Variants in MYO15B observed in about 807,000 individuals in gnomAD.
MYO15B encodes myosin XVB.
MYO15B carries 207 observed loss-of-function variants against 119.3 expected under a neutral mutation model. That is an observed-to-expected ratio of 1.73 (90% CI 1.55 to 1.95). The LOEUF is 1.95. Ranked by LOEUF, MYO15B falls within the 30% of genes most tolerant of loss-of-function variation. The probability of loss-of-function intolerance (pLI) is 0.00; values close to 1 mark genes in which losing one functional copy is unlikely to be tolerated. For missense variants in MYO15B, 2,264 were observed against 1,203.1 expected (o/e 1.88, Z -13.04); for synonymous variants, 966 against 498.9 (o/e 1.94, Z -12.48).
chr17:75,613,686 G>GC lies in MYO15B; in HGVS notation c.5147-13dup, dbSNP rs1352057215. The GC allele has an allele frequency of 7.2e-6, 5 of 697,874 alleles. No individual in the cohort carries two copies. Among genetic ancestry groups the GC allele is most frequent in the African/African-American group, 3.5e-5 (2 of 56,934 alleles). The allele number at this position is 697,874 out of a possible 1,614,324, so 43.2% of individuals were successfully genotyped here. On this transcript the variant is annotated intron_variant, in intron 28 of 63. Coordinates refer to ENST00000645453, the Ensembl canonical transcript of MYO15B. ...TCTGCTGTCCCTCACTCTTGCCCCC[G>GC]CCCCCCATGCCCCTGCAGAGGAGTG...
chr17:75,599,242 C>A (rs990612298), intron 14 of MYO15B, among the ~76,000 whole-genome samples: 1 of 151,304 alleles, frequency 6.6e-6, no homozygotes, highest in Admixed American at 6.6e-5. Flanking sequence ...TAACTGACTC[C>A]TACTATCATT....
exon 31 of MYO15B, chr17:75,614,598 C>G (rs1194458291): frequency 1.4e-6 from 1 of 701,180 alleles, no homozygotes; most frequent in Non-Finnish European, 2.6e-6. Flanking sequence ...AGGCCATTCC[C>G]CTTGCCCCTG....
rs548765453 is a variant in MYO15B at position 75,591,185 on chromosome 17, A to G, written c.2374A>G (p.Ile792Val). The G allele has an allele frequency of 6.1e-5, 43 of 702,930 alleles. No homozygotes were observed. The African/African-American group carries it at 6.8e-4, about 11-fold the overall frequency. 43.5% of individuals were successfully genotyped at this position (702,930 alleles called of 1,614,324 possible). The change falls in exon 4 of 64, where the codon ATC (isoleucine) becomes GTC (valine). Residue 792 changes from isoleucine (I) to valine (V), a missense_variant. Ile to Val is a conservative substitution (Grantham distance 29, BLOSUM62 3). Transcript: ENST00000645453. ...CATCTCCCTCAGACACATCTTTGCC[A>G]TCGTGGCATCAGCCTATGACCTGGC...
In MYO15B at chr17:75,625,107, C is replaced by T. The variant is rs776048608; in HGVS notation, c.8689-16C>T. ...TTTGGACCACCGCTGCCCTCCTCAC[C>T]GTGCTCCCCGCACAGGTGCTGTGGG... On this transcript the variant is annotated splice_polypyrimidine_tract_variant and intron_variant, in intron 59 of 63. Coordinates refer to ENST00000645453, the Ensembl canonical transcript of MYO15B. 17 of 681,600 alleles carry T rather than the reference C, an allele frequency of 2.5e-5. No individual in the cohort carries two copies. Among genetic ancestry groups the T allele is most frequent in the South Asian group, 4.6e-5 (3 of 65,616 alleles). 42.2% of individuals were successfully genotyped at this position (681,600 alleles called of 1,614,324 possible). A position where few individuals can be genotyped will look rare whatever the true frequency, so the allele number is the denominator to read the frequency against.
intron 14 of MYO15B, among the ~76,000 whole-genome samples, chr17:75,598,025 A>G (rs959075089): frequency 6.6e-6 from 1 of 152,160 alleles, no homozygotes; most frequent in African/African-American, 2.4e-5. Context: ...GGGGGGCGTC[A>G]TGAGCCTCTA....
In MYO15B at chr17:75,591,252, T is replaced by C. The variant is rs1320091614; in HGVS notation, c.2435+6T>C. 5.7e-6 allele frequency: 4 copies of C among 702,650 alleles called. No individual in the cohort carries two copies. Among genetic ancestry groups the C allele is most frequent in the Non-Finnish European group, 1.0e-5 (4 of 384,842 alleles). 43.5% of individuals were successfully genotyped at this position (702,650 alleles called of 1,614,324 possible). On this transcript the variant is annotated splice_donor_region_variant and intron_variant, in intron 4 of 63. Transcript: ENST00000645453. ...GACCCATGCATCCTCCTGTGGTGAGTGGTGGCCTTCCTGGGTGGCTGAACC... is the reference window on the plus strand; with the variant it reads ...GACCCATGCATCCTCCTGTGGTGAGCGGTGGCCTTCCTGGGTGGCTGAACC...
chr17:75,594,307 C>A (rs2056702648), intron 9 of MYO15B, among the ~76,000 whole-genome samples, 168 bp from the exon 10 acceptor site: 1 of 152,186 alleles, frequency 6.6e-6, no homozygotes, highest in Admixed American at 6.5e-5. Context: ...GACTCGAACT[C>A]AGGGCCCTGA....
Position 75,614,587 on chromosome 17 carries a change from G to A in MYO15B, c.5386G>A (p.Glu1796Lys), listed in dbSNP as rs925658633. 3.3e-5 allele frequency: 23 copies of A among 700,774 alleles called. No individual in the cohort carries two copies. In the East Asian group the frequency reaches 4.6e-4, roughly 14 times the overall value. 43.4% of individuals were successfully genotyped at this position (700,774 alleles called of 1,614,324 possible). The change falls in exon 31 of 64, where the codon GAG becomes AAG. Residue 1796 changes from glutamate (E) to lysine (K), a missense_variant. Coordinates refer to ENST00000645453, the Ensembl canonical transcript of MYO15B. ...GCTGGATCCCGTTTCCTGCAGAGCC[G>A]AGGCCATTCCCCTTGCCCCTGGCAT...
chr17:75,596,360 G>A (rs1353617283), intron 12 of MYO15B, 100 bp from the exon 13 acceptor site: 1 of 666,488 alleles, frequency 1.5e-6, no homozygotes, highest in African/African-American at 1.8e-5. Flanking sequence ...ATCAGCCCTG[G>A]GTATTACTCA....
exon 25 of MYO15B, chr17:75,611,979 T>C (rs927817321): frequency 1.0e-5 from 7 of 702,862 alleles, no homozygotes; most frequent in Admixed American, 6.0e-5. Context: ...GACATTGACC[T>C]GTTCCCTTTC....
chr17:75,599,089 G>T (rs1013242867), intron 14 of MYO15B, among the ~76,000 whole-genome samples: 15 of 151,988 alleles, frequency 9.9e-5, no homozygotes, highest in African/African-American at 3.6e-4. Context: ...ATAGAGATGG[G>T]GTCTCCCTAT....
In MYO15B at chr17:75,625,525, A is replaced by G. The variant is rs1041902168; in HGVS notation, c.8805-2A>G. ...CAAACTGACCCTGGTCACACATCCTAGGCAGGACCTGCTAGCTTACGTGCC... is the reference window on the plus strand; with the variant it reads ...CAAACTGACCCTGGTCACACATCCTGGGCAGGACCTGCTAGCTTACGTGCC... On this transcript the variant is annotated splice_acceptor_variant, in intron 60 of 63. Transcript: ENST00000645453. LOFTEE classifies it high-confidence loss of function. 2.8e-6 allele frequency: 2 copies of G among 702,962 alleles called. No homozygotes were observed. The highest frequency in any genetic ancestry group is 1.7e-5 in the African/African-American group (1 of 57,282). The allele number at this position is 702,962 out of a possible 1,614,324, so 43.5% of individuals were successfully genotyped here. A position where few individuals can be genotyped will look rare whatever the true frequency, so the allele number is the denominator to read the frequency against.
At chr17:75,619,385 TCAC>T (rs1186156726) in exon 45 of MYO15B, 1 of 702,540 alleles carries the variant, frequency 1.4e-6, no homozygotes, top group Admixed American at 2.0e-5. Context: ...CTGGATTCTC[TCAC>T]CACCACCGAA....
At chr17:75,617,980 G>T in intron 42 of MYO15B, 58 bp downstream of exon 42, 1 of 695,436 alleles carries the variant, frequency 1.4e-6, no homozygotes, top group Non-Finnish European at 2.6e-6. Flanking sequence ...GAGGCGGCAG[G>T]CTTTGTGCAT....
exon 50 of MYO15B, chr17:75,621,135 G>C: frequency 1.4e-6 from 1 of 701,820 alleles, no homozygotes; most frequent in South Asian, 1.5e-5. Flanking sequence ...GCTACACCAT[G>C]CAGGAATTCG....
exon 42 of MYO15B, chr17:75,617,871 C>G (rs1228360372): frequency 4.3e-6 from 3 of 702,794 alleles, no homozygotes; most frequent in Non-Finnish European, 7.8e-6. Context: ...CCTCTGGCAG[C>G]GTGTGCTTCT....
chr17:75,623,164 C>A (rs2058806401), intron 53 of MYO15B, among the ~76,000 whole-genome samples: 2 of 151,960 alleles, frequency 1.3e-5, no homozygotes, highest in South Asian at 4.2e-4. Context: ...AACCCCGTCT[C>A]TACTAAAAAC....
At chr17:75,591,070 C>T in intron 3 of MYO15B, 54 bp downstream of exon 3, 1 of 683,916 alleles carries the variant, frequency 1.5e-6, no homozygotes, top group Non-Finnish European at 2.7e-6. Context: ...AGCCCAGTCC[C>T]TGCATGTCCC....
intron 41 of MYO15B, 168 bp from the exon 42 acceptor site, chr17:75,617,642 C>T: frequency 1.7e-6 from 1 of 591,788 alleles, no homozygotes. Context: ...AAGTTTAGGG[C>T]CCAAAATGGA....
Sources: gnomAD v4.1 joint callset for allele counts (sites outside exome capture counted in the v4.1 genomes callset) on GRCh38, gnomAD v4.1.1 for gene constraint, MANE v1.5 for transcripts, NCBI Gene and HGNC (gene_info 2026-07-23, HGNC 2026-07-21) for gene names.